Variants in GPR55 observed in about 807,000 individuals in gnomAD.
GPR55 encodes the protein G protein-coupled receptor 55, also known as G-protein coupled receptor 55.
A neutral mutation model predicts 7.9 loss-of-function variants in GPR55; 6 were observed. The ratio of observed to expected loss-of-function variants is 0.76; its 90% CI spans 0.41 to 1.49. The LOEUF (loss-of-function observed/expected upper bound fraction) is 1.49, where lower values mean the gene tolerates loss of function less well. GPR55 is among the 40% of genes most tolerant of loss of function. The pLI is 0.01. For missense variants in GPR55, 376 were observed against 406.0 expected, an observed-to-expected ratio of 0.93 and a Z score of 0.63; for synonymous variants, 183 against 166.8, an observed-to-expected ratio of 1.10 and a Z score of -0.75.
intron 1 of GPR55, among the ~76,000 whole-genome samples, chr2:230,935,968 T>C (rs1017121580): frequency 1.3e-5 from 2 of 151,984 alleles, no homozygotes; most frequent in Non-Finnish European, 2.9e-5. Flanking sequence ...TACTGAGGAG[T>C]CATCAGTATC....
intron 1 of GPR55, among the ~76,000 whole-genome samples, chr2:230,941,607 T>G (rs1691234774): frequency 6.6e-6 from 1 of 152,116 alleles, no homozygotes; most frequent in Non-Finnish European, 1.5e-5. Context: ...AGAGCTGGAC[T>G]GTGGCTGGAG....
rs923422949 is a variant in GPR55 at position 230,944,476 on chromosome 2, A to G, written c.-135+16299T>C. Among the ~76,000 whole-genome samples, 1 of 152,204 alleles carries G rather than the reference A, an allele frequency of 6.6e-6. No individual in the cohort carries two copies. Among genetic ancestry groups the G allele is most frequent in the Non-Finnish European group, 1.5e-5 (1 of 68,024 alleles). On this transcript the variant is annotated intron_variant, in intron 1 of 1. Transcript: ENST00000392039. This position sits in a 1 kb window ranked among gnomAD's most constrained non-coding sequence, Gnocchi z 4.2. Reference sequence around the variant, plus strand: ...TGGTTTCCAGTAACCATCGCTGGTTAGTTCAGAGGGAAATGTCCACAACAG... The same window carrying G: ...TGGTTTCCAGTAACCATCGCTGGTTGGTTCAGAGGGAAATGTCCACAACAG...
intron 1 of GPR55, among the ~76,000 whole-genome samples, chr2:230,916,511 G>A (rs973711225): frequency 5.9e-5 from 9 of 151,506 alleles, no homozygotes; most frequent in African/African-American, 1.9e-4. Context: ...GTAACAGAGT[G>A]AGACCCTCTC....
chr2:230,928,318 G>T (rs1690976478), upstream of GPR55, among the ~76,000 whole-genome samples: 1 of 152,178 alleles, frequency 6.6e-6, no homozygotes, highest in Non-Finnish European at 1.5e-5. Context: ...GTGTCTGAAA[G>T]AAGGATCCAG....
chr2:230,916,568 A>G (rs3111784), intron 1 of GPR55, among the ~76,000 whole-genome samples: 14,812 of 152,206 alleles, frequency 0.097, 778 homozygotes, highest in Middle Eastern at 0.12. Flanking sequence ...AGAAAGAGAC[A>G]AGTTTTAATA....
Position 230,907,465 on chromosome 2 carries a change from C to G in GPR55, c.*2538G>C, listed in dbSNP as rs558419419. On this transcript the variant is annotated 3_prime_UTR_variant, in exon 2 of 2. Coordinates refer to ENST00000650999, the MANE Select transcript of GPR55 (RefSeq NM_005683.4). ...GGTTGCAGCTATGTGGGTCCAAACTCTCGGCCCTCCTGCCGAGCAGCCGTA... is the reference window on the plus strand; with the variant it reads ...GGTTGCAGCTATGTGGGTCCAAACTGTCGGCCCTCCTGCCGAGCAGCCGTA... The G allele has an allele frequency of 2.6e-5, 4 of 152,384 alleles. No homozygotes were observed. In the East Asian group the frequency reaches 7.7e-4, roughly 29 times the overall value. The allele number at this position is 152,384 out of a possible 1,614,324, so 9.4% of individuals were successfully genotyped here.
rs193106134 is a variant in GPR55, at chr2:230,932,012, C to T, written c.-134-20916G>A. On this transcript the variant is annotated intron_variant, in intron 1 of 1. Coordinates refer to the GPR55 transcript ENST00000392039. ...TCGAGGCCACTCCACACCTCAAGGC[C>T]TCACCTCCAGCTCCTCACCATCCCC... 2.5e-3 allele frequency among the ~76,000 whole-genome samples: 382 copies of T among 152,280 alleles called. 2 individuals are homozygous for T. Among genetic ancestry groups the T allele is most frequent in the African/African-American group, 8.0e-3 (333 of 41,532 alleles).
At chr2:230,951,796 T>C (rs1381204693) in intron 1 of GPR55, among the ~76,000 whole-genome samples, 3 of 151,104 alleles carry the variant, frequency 2.0e-5, no homozygotes, top group Non-Finnish European at 4.4e-5. Flanking sequence ...TCTTGCTCTG[T>C]TGCCCAAGCT....
At chr2:230,951,634 G>A (rs923714996) in intron 1 of GPR55, among the ~76,000 whole-genome samples, 4 of 152,142 alleles carry the variant, frequency 2.6e-5, no homozygotes, top group Non-Finnish European at 5.9e-5. Flanking sequence ...TGACAGCTCC[G>A]CTTTGTACCA....
At chr2:230,913,979 C>T (rs1182709974) in intron 1 of GPR55, among the ~76,000 whole-genome samples, 1 of 152,208 alleles carries the variant, frequency 6.6e-6, no homozygotes, top group Admixed American at 6.5e-5. Context: ...TTGTCTGGGT[C>T]ACACTAACCA....
intron 1 of GPR55, among the ~76,000 whole-genome samples, chr2:230,942,721 T>A (rs547149908): frequency 7.9e-4 from 119 of 150,986 alleles, no homozygotes; most frequent in African/African-American, 2.8e-3. Flanking sequence ...CAGTGGGAGA[T>A]GGGAGCTTGG....
At chr2:230,960,891 G>A (rs1253456080) in exon 1 of GPR55, 1 of 152,126 alleles carries the variant, frequency 6.6e-6, no homozygotes, top group African/African-American at 2.4e-5. Flanking sequence ...AAGTCCTGGG[G>A]TCCCTGTAGT....
At chr2:230,956,759 A>G (rs1362371450) in intron 1 of GPR55, among the ~76,000 whole-genome samples, 1 of 152,188 alleles carries the variant, frequency 6.6e-6, no homozygotes, top group Non-Finnish European at 1.5e-5. Flanking sequence ...GCATTTAATC[A>G]GGGTTCATGT....
chr2:230,953,901 C>T (rs1691440819), intron 1 of GPR55, among the ~76,000 whole-genome samples: 1 of 152,222 alleles, frequency 6.6e-6, no homozygotes, highest in Non-Finnish European at 1.5e-5. Flanking sequence ...GCAGTCCCCT[C>T]CACCTCCCCG....
chr2:230,948,363 C>T (rs1237437723), intron 1 of GPR55, among the ~76,000 whole-genome samples: 5 of 152,178 alleles, frequency 3.3e-5, no homozygotes, highest in East Asian at 1.9e-4. Context: ...ACCTCCCAAC[C>T]GCACTGACCT....
chr2:230,907,708 C>A lies in GPR55; in HGVS notation c.*2295G>T. 1 of 152,608 alleles carries A rather than the reference C, an allele frequency of 6.6e-6. No individual in the cohort carries two copies. The highest frequency in any genetic ancestry group is 1.5e-5 in the Non-Finnish European group (1 of 68,222). 9.5% of individuals were successfully genotyped at this position (152,608 alleles called of 1,614,324 possible). Reference sequence around the variant, plus strand: ...GTCCTGGCTCCCCTCCCCGTCCCTCCCTACATGATCAGGTCCTCTCAGCTG... The same window carrying A: ...GTCCTGGCTCCCCTCCCCGTCCCTCACTACATGATCAGGTCCTCTCAGCTG... On this transcript the variant is annotated 3_prime_UTR_variant, in exon 2 of 2. Coordinates refer to ENST00000650999, the MANE Select transcript of GPR55 (RefSeq NM_005683.4).
upstream of GPR55, among the ~76,000 whole-genome samples, chr2:230,925,740 C>T (rs563933535): frequency 1.3e-5 from 2 of 152,268 alleles, no homozygotes; most frequent in African/African-American, 4.8e-5. Flanking sequence ...GCGTGCCTAG[C>T]GTCGGAGGAG....
In GPR55 at chr2:230,944,126, C is replaced by T. The variant is rs1432233620; in HGVS notation, c.-135+16649G>A. On this transcript the variant is annotated intron_variant, in intron 1 of 1. Transcript: ENST00000392039. The surrounding 1 kb of genome is among the most constrained non-coding windows in gnomAD (Gnocchi z 4.2). ...AAGATGCCTTCTGCCATTCATTACA[C>T]ACACAACAGCATCTTGGTCCCAGAT... is the stretch of plus-strand genomic sequence containing the variant. Among the ~76,000 whole-genome samples, 1 of 152,236 alleles carries T rather than the reference C, an allele frequency of 6.6e-6. No individual in the cohort carries two copies. The highest frequency in any genetic ancestry group is 1.9e-4 in the East Asian group (1 of 5,198).
At chr2:230,918,591 C>T (rs760992463) in intron 1 of GPR55, among the ~76,000 whole-genome samples, 3 of 151,992 alleles carry the variant, frequency 2.0e-5, no homozygotes, top group Non-Finnish European at 2.9e-5. Context: ...ATCCAAATAG[C>T]GAAACTCAGC....
Sources: allele counts gnomAD v4.1 joint callset (sites outside exome capture counted in the v4.1 genomes callset), GRCh38; gene constraint gnomAD v4.1.1; non-coding constraint Gnocchi (gnomAD v3.1); transcripts MANE v1.5; gene names NCBI Gene and HGNC (gene_info 2026-07-23, HGNC 2026-07-21).